The following HOMER2 variants were observed in gnomAD, a reference collection of about 807,000 sequenced individuals.
The protein encoded by HOMER2 is homer scaffold protein 2.
Under a neutral mutation model 47.0 loss-of-function variants are expected in HOMER2, and 27 were observed. The observed-to-expected ratio is 0.57, with a 90% confidence interval of 0.42 to 0.79. The LOEUF is 0.79. Among genes scored for constraint, HOMER2 ranks in the 30% least tolerant of loss-of-function variants. The probability of loss-of-function intolerance (pLI) is 0.00; values close to 1 mark genes in which losing one functional copy is unlikely to be tolerated. For synonymous variants in HOMER2, 161 were observed against 163.8 expected (o/e 0.98, Z 0.13); for missense variants, 443 against 435.0 (o/e 1.02, Z -0.16).
rs928406358 is a variant in HOMER2, at chr15:82,927,973, C to CAAAAAAAA, written c.5+24550_5+24557dup. Among the ~76,000 whole-genome samples the CAAAAAAAA allele has an allele frequency of 2.6e-3, 151 of 57,310 alleles. 1 individual carries two copies. Among genetic ancestry groups the CAAAAAAAA allele is most frequent in the African/African-American group, 7.1e-3 (147 of 20,784 alleles). The allele number at this position is 57,310 out of a possible 152,430, so 37.6% of individuals were successfully genotyped here. A position where few individuals can be genotyped will look rare whatever the true frequency, so the allele number is the denominator to read the frequency against. ...GACAACAAGAGCAAAAACTCCGTCT[C>CAAAAAAAA]AAAAAAAAAAAAAAAAAAAAAAGTG... On this transcript the variant is annotated intron_variant, in intron 1 of 8. Coordinates refer to ENST00000450735, the MANE Select transcript of HOMER2 (RefSeq NM_004839.4).
At chr15:82,852,407 C>T (rs1567012283) in intron 6 of HOMER2, 155 bp from the exon 7 acceptor site, 1 of 597,146 alleles carries the variant, frequency 1.7e-6, no homozygotes, top group Non-Finnish European at 2.9e-6. Flanking sequence ...AAACCCCATG[C>T]AGCTCCATCA....
In HOMER2 at chr15:82,854,630, T is replaced by C. The variant is rs1282546001; in HGVS notation, c.651+14A>G. Reference sequence around the variant, plus strand: ...CCAGCTGGCCTCGGGGCTCACTGCATCCACCGTACCCACCTTGTTGCGGAG... The same window carrying C: ...CCAGCTGGCCTCGGGGCTCACTGCACCCACCGTACCCACCTTGTTGCGGAG... On this transcript the variant is annotated intron_variant, in intron 6 of 8. Coordinates refer to ENST00000450735, the MANE Select transcript of HOMER2 (RefSeq NM_004839.4). 8.7e-6 allele frequency: 14 copies of C among 1,605,768 alleles called. No homozygotes were observed. The East Asian group carries it at 3.1e-4, about 36-fold the overall frequency.
At chr15:82,866,628 A>C (rs1767994455) in intron 3 of HOMER2, among the ~76,000 whole-genome samples, 1 of 152,192 alleles carries the variant, frequency 6.6e-6, no homozygotes, top group African/African-American at 2.4e-5. Context: ...ATGTCATGGG[A>C]AGAACCTGGT....
At chr15:82,963,349 C>T (rs559363861) in intron 1 of HOMER2, among the ~76,000 whole-genome samples, 1 of 152,192 alleles carries the variant, frequency 6.6e-6, no homozygotes, top group Admixed American at 6.5e-5. Flanking sequence ...CTCAGCCCCT[C>T]GAAGTGCTGG....
In HOMER2 at chr15:82,851,350, G is replaced by A; in HGVS notation, c.763-119C>T. 2.9e-6 allele frequency: 2 copies of A among 683,460 alleles called. 1 individual carries two copies. The highest frequency in any genetic ancestry group is 3.4e-5 in the South Asian group (2 of 58,202). The allele number at this position is 683,460 out of a possible 1,614,324, so 42.3% of individuals were successfully genotyped here. ...TTTGGGACCCTGTCCTGTTTGCATA[G>A]ACAGTGATAGTGACCATGCGAATAC... On this transcript the variant is annotated intron_variant, in intron 7 of 8. Coordinates refer to ENST00000450735, the MANE Select transcript of HOMER2 (RefSeq NM_004839.4).
At chr15:82,934,625 G>A (rs1451290830) in intron 1 of HOMER2, among the ~76,000 whole-genome samples, 1 of 152,090 alleles carries the variant, frequency 6.6e-6, no homozygotes, top group Non-Finnish European at 1.5e-5. Context: ...CCATCCCATG[G>A]TCTCTCATGG....
intron 1 of HOMER2, among the ~76,000 whole-genome samples, chr15:82,895,129 G>A (rs2052865486): frequency 1.3e-5 from 2 of 152,184 alleles, no homozygotes; most frequent in African/African-American, 2.4e-5. Flanking sequence ...TGTTTACAGA[G>A]GCCAGCATTC....
chr15:82,953,971 G>A (rs1229091583), upstream of HOMER2, among the ~76,000 whole-genome samples: 1 of 152,126 alleles, frequency 6.6e-6, no homozygotes, highest in Non-Finnish European at 1.5e-5. Flanking sequence ...AGCTACTCGG[G>A]AGGCTTGATG....
intron 7 of HOMER2, among the ~76,000 whole-genome samples, 188 bp downstream of exon 7, chr15:82,851,954 G>A (rs1023032224): frequency 4.6e-5 from 7 of 152,170 alleles, no homozygotes; most frequent in Non-Finnish European, 1.0e-4. Flanking sequence ...GTAACAGGGA[G>A]GCGGCAGAGG....
chr15:82,864,081 T>G, intron 4 of HOMER2, 86 bp downstream of exon 4: 1 of 780,006 alleles, frequency 1.3e-6, no homozygotes, highest in Non-Finnish European at 2.1e-6. Flanking sequence ...TTGTCAAAAT[T>G]CCCTATTTCT....
At chr15:82,956,050 GC>G (rs2054584687), upstream of HOMER2, among the ~76,000 whole-genome samples, 1 of 151,962 alleles carries the variant, frequency 6.6e-6, no homozygotes, top group African/African-American at 2.4e-5. Flanking sequence ...GACCAGCCTG[GC>G]CAACATGGCA....
At chr15:82,840,871 C>T (rs1335490835) in exon 2 of HOMER2, 1 of 151,318 alleles carries the variant, frequency 6.6e-6, no homozygotes, top group Non-Finnish European at 1.5e-5. Context: ...CAGTTTCATA[C>T]ATGTTATAAA....
chr15:82,881,206 G>A (rs759124821), intron 2 of HOMER2, among the ~76,000 whole-genome samples: 1 of 152,208 alleles, frequency 6.6e-6, no homozygotes. Context: ...AGATCAGTGG[G>A]ACCAAGTTGT....
intron 3 of HOMER2, among the ~76,000 whole-genome samples, chr15:82,871,275 G>C (rs945956091): frequency 6.6e-6 from 1 of 152,184 alleles, no homozygotes; most frequent in African/African-American, 2.4e-5. Flanking sequence ...TTTTCTTTCT[G>C]GGGGGTAGAG....
At chr15:82,986,144 G>T (rs1014227712), upstream of HOMER2, 2 of 983,558 alleles carry the variant, frequency 2.0e-6, no homozygotes, top group East Asian at 1.1e-4. Context: ...CGATCCACAC[G>T]GAGAGCCTTA....
chr15:82,892,033 A>G (rs1839193269), intron 2 of HOMER2, among the ~76,000 whole-genome samples: 2 of 151,844 alleles, frequency 1.3e-5, no homozygotes, highest in South Asian at 4.2e-4. Flanking sequence ...ATCCCTTCTT[A>G]ATTCTGTTCC....
chr15:82,950,315 C>T (rs1439740925), intron 1 of HOMER2, among the ~76,000 whole-genome samples: 8 of 152,066 alleles, frequency 5.3e-5, no homozygotes, highest in Non-Finnish European at 1.0e-4. Flanking sequence ...TGGTAGTGAA[C>T]ATTTGAGGGA....
chr15:82,837,656 G>A (rs2051140108), exon 2 of HOMER2: 1 of 152,180 alleles, frequency 6.6e-6, no homozygotes, highest in Admixed American at 6.5e-5. Flanking sequence ...GTCTGGAGAA[G>A]TGGGGTGCAC....
rs556168319 is a variant in HOMER2, at chr15:82,874,671, G to A, written c.294+602C>T. Among the ~76,000 whole-genome samples the A allele has an allele frequency of 3.9e-5, 6 of 152,332 alleles. 1 individual carries two copies. Among genetic ancestry groups the A allele is most frequent in the African/African-American group, 1.2e-4 (5 of 41,582 alleles). ...ACCACTGTGTGGCATTTTAAGGCAC[G>A]TGGGGAGTCCAAGCTAAGCGCTTCC... On this transcript the variant is annotated intron_variant, in intron 3 of 8. Coordinates refer to ENST00000450735, the MANE Select transcript of HOMER2 (RefSeq NM_004839.4).
Sources: allele counts gnomAD v4.1 joint callset (sites outside exome capture counted in the v4.1 genomes callset), GRCh38; gene constraint gnomAD v4.1.1; transcripts MANE v1.5; gene names NCBI Gene and HGNC (gene_info 2026-07-23, HGNC 2026-07-21).